The following CMTM4 variants were observed in gnomAD, a reference collection of about 807,000 sequenced individuals.
CMTM4 encodes CKLF-like MARVEL transmembrane domain-containing protein 4.
In CMTM4, 8 loss-of-function variants were observed where a neutral mutation model predicts 19.0. The ratio of observed to expected loss-of-function variants is 0.42; its 90% CI spans 0.25 to 0.76. The LOEUF is 0.76. CMTM4 is among the 30% of genes least tolerant of loss of function. The pLI is 0.27. For synonymous variants in CMTM4, 106 were observed against 121.1 expected (o/e 0.88, Z 0.82); for missense variants, 228 against 290.2 (o/e 0.79, Z 1.56).
rs200104728 is a variant in CMTM4 at position 66,617,249 on chromosome 16, A to G, written c.*4809T>C. 3 of 1,605,414 alleles carry G rather than the reference A, an allele frequency of 1.9e-6. No homozygotes were observed. The highest frequency in any genetic ancestry group is 3.4e-5 in the Admixed American group (2 of 59,070). ...AACTTACCCTATGAAATAGATACAC[A>G]GTTCAAGGACCCATCATCTGAACTT... is the stretch of plus-strand genomic sequence containing the variant. On this transcript the variant is annotated 3_prime_UTR_variant, in exon 4 of 4. Coordinates refer to ENST00000394106, the MANE Select transcript of CMTM4 (RefSeq NM_181521.3).
intron 1 of CMTM4, among the ~76,000 whole-genome samples, chr16:66,683,155 ATATACG>A (rs1250353978): frequency 2.4e-5 from 3 of 124,460 alleles, no homozygotes; most frequent in African/African-American, 6.0e-5. Flanking sequence ...ATGTATATAT[ATATACG>A]TATATATATA....
chr16:66,669,331 AG>A (rs1168821786), intron 1 of CMTM4, among the ~76,000 whole-genome samples: 1 of 152,202 alleles, frequency 6.6e-6, no homozygotes, highest in Non-Finnish European at 1.5e-5. Flanking sequence ...CTACAAAGAA[AG>A]GGAACGAGGA....
chr16:66,637,256 A>G (rs1156775163), intron 1 of CMTM4, among the ~76,000 whole-genome samples: 1 of 152,186 alleles, frequency 6.6e-6, no homozygotes, highest in East Asian at 1.9e-4. Context: ...AATAGAATAA[A>G]TTTCTAGGCT....
Position 66,620,446 on chromosome 16 carries a change from T to C in CMTM4, c.*1612A>G, listed in dbSNP as rs370410173. The stretch of plus-strand genomic sequence containing the variant: ...ACTCAGATCGTACTGAAGGTGTTGG[T>C]GCAGGAAGCTAACCCCAACTCCGAC... On this transcript the variant is annotated 3_prime_UTR_variant, in exon 4 of 4. Transcript: ENST00000394106. 1.5e-5 allele frequency: 15 copies of C among 985,342 alleles called. No individual in the cohort carries two copies. In the African/African-American group the frequency reaches 2.6e-4, roughly 17 times the overall value. 61.0% of individuals were successfully genotyped at this position (985,342 alleles called of 1,614,324 possible). A position where few individuals can be genotyped will look rare whatever the true frequency, so the allele number is the denominator to read the frequency against.
intron 1 of CMTM4, among the ~76,000 whole-genome samples, chr16:66,664,233 C>CAA (rs748462311): frequency 2.6e-4 from 17 of 64,878 alleles, no homozygotes; most frequent in Admixed American, 3.4e-4. Flanking sequence ...GACTCCGTCT[C>CAA]AAAAAAAAAA....
chr16:66,682,312 T>C (rs1444785010), intron 1 of CMTM4, among the ~76,000 whole-genome samples: 2 of 152,096 alleles, frequency 1.3e-5, no homozygotes, highest in South Asian at 2.1e-4. Flanking sequence ...GGCCTGAAAA[T>C]GGGTGAAAGA....
chr16:66,666,207 C>T (rs1253322580), intron 1 of CMTM4, among the ~76,000 whole-genome samples: 1 of 152,188 alleles, frequency 6.6e-6, no homozygotes, highest in Non-Finnish European at 1.5e-5. Flanking sequence ...AATCCCAGCA[C>T]TTTGGGAGGC....
At chr16:66,613,198 C>A, downstream of CMTM4, 1 of 695,474 alleles carries the variant, frequency 1.4e-6, no homozygotes, top group Non-Finnish European at 2.6e-6. Context: ...TTGACCTTTG[C>A]CTTGTCGCCC....
intron 1 of CMTM4, among the ~76,000 whole-genome samples, chr16:66,680,767 C>G (rs2016898155): frequency 7.7e-6 from 1 of 130,530 alleles, no homozygotes; most frequent in Non-Finnish European, 1.6e-5. Flanking sequence ...GAGCAAGACT[C>G]CGTCTCAAAA....
chr16:66,652,054 G>A (rs2016320510), intron 1 of CMTM4, among the ~76,000 whole-genome samples: 1 of 151,578 alleles, frequency 6.6e-6, no homozygotes, highest in Non-Finnish European at 1.5e-5. Flanking sequence ...GGCAGAGATG[G>A]CCCTCAGGAG....
intron 1 of CMTM4, among the ~76,000 whole-genome samples, chr16:66,687,789 G>A (rs1250539564): frequency 7.4e-5 from 11 of 148,832 alleles, no homozygotes; most frequent in Non-Finnish European, 8.9e-5. Flanking sequence ...CTGGGTTCAC[G>A]CTATTCTCCT....
chr16:66,666,593 A>G (rs1182242456), intron 1 of CMTM4, among the ~76,000 whole-genome samples: 3 of 152,390 alleles, frequency 2.0e-5, no homozygotes, highest in African/African-American at 7.2e-5. Context: ...AAACTGCCCA[A>G]TAAAAATTAC....
intron 1 of CMTM4, among the ~76,000 whole-genome samples, chr16:66,680,570 C>A (rs650349): frequency 6.6e-6 from 1 of 151,462 alleles, no homozygotes; most frequent in Non-Finnish European, 1.5e-5. Context: ...GTCAGGAGAT[C>A]GAGACCATCA....
chr16:66,672,180 G>A (rs1452002067), intron 1 of CMTM4, among the ~76,000 whole-genome samples: 1 of 151,982 alleles, frequency 6.6e-6, no homozygotes, highest in Non-Finnish European at 1.5e-5. Flanking sequence ...GGGAGGCCGA[G>A]GCAGGTGGAT....
intron 1 of CMTM4, among the ~76,000 whole-genome samples, chr16:66,679,342 TG>T (rs1945072087): frequency 6.6e-6 from 1 of 152,144 alleles, no homozygotes. Context: ...TTACTGGTTC[TG>T]ATTTTAGCAA....
intron 1 of CMTM4, among the ~76,000 whole-genome samples, chr16:66,637,846 A>G (rs2016026205): frequency 6.6e-6 from 1 of 152,218 alleles, no homozygotes; most frequent in African/African-American, 2.4e-5. Context: ...AAGGAAGCAG[A>G]GGCAGGCAGC....
At position 66,696,425 on chromosome 16, in the gene CMTM4, A is replaced by C. The variant is rs2017237912; in HGVS notation, c.101T>G (p.Val34Gly). 1.4e-6 allele frequency: 2 copies of C among 1,397,508 alleles called. No individual in the cohort carries two copies. The highest frequency in any genetic ancestry group is 1.5e-5 in the South Asian group (1 of 68,664). 86.6% of individuals were successfully genotyped at this position (1,397,508 alleles called of 1,614,324 possible). A position where few individuals can be genotyped will look rare whatever the true frequency, so the allele number is the denominator to read the frequency against. ...SSPYQPTTEP[V>G]SQRRGLAGLR... ...GCCGGCCAGCCCGCGGCGCTGGCTC[A>C]CCGGCTCGGTGGTGGGCTGGTACGG... Residue 34 changes from valine (V) to glycine (G), a missense_variant, in exon 1 of 4, where the codon GTG becomes GGG. This residue lies in a region of CMTM4 where 200 missense variants were observed against 226.6 expected (regional missense o/e 0.88). Transcript: ENST00000394106. The surrounding 1 kb of genome is among the most constrained non-coding windows in gnomAD (Gnocchi z 4.3).
intron 1 of CMTM4, among the ~76,000 whole-genome samples, chr16:66,647,151 T>C (rs866238799): frequency 1.5e-5 from 2 of 136,558 alleles, no homozygotes; most frequent in South Asian, 2.3e-4. Context: ...CCGCCTCTAC[T>C]AAAAAAAAAA....
chr16:66,696,435 TG>T lies in CMTM4; in HGVS notation c.90del (p.Thr31ProfsTer4). The stretch of plus-strand genomic sequence containing the variant: ...CCGCGGCGCTGGCTCACCGGCTCGG[TG>T]GTGGGCTGGTACGGGCTGCTGGCGC... ...ISGASSPYQP[T>X]TEPVSQRRGL... is the part of the protein sequence containing the mutation. On this transcript the variant is annotated frameshift_variant, in exon 1 of 4. Transcript: ENST00000394106. LOFTEE classifies it high-confidence loss of function. The surrounding 1 kb of genome is among the most constrained non-coding windows in gnomAD (Gnocchi z 4.3). 1 of 1,379,372 alleles carries T rather than the reference TG, an allele frequency of 7.2e-7. No homozygotes were observed. The highest frequency in any genetic ancestry group is 9.4e-7 in the Non-Finnish European group (1 of 1,067,072). The allele number at this position is 1,379,372 out of a possible 1,614,324, so 85.4% of individuals were successfully genotyped here.
Sources: allele counts gnomAD v4.1 joint callset (sites outside exome capture counted in the v4.1 genomes callset), GRCh38; gene constraint gnomAD v4.1.1; regional missense constraint gnomAD v4.1.1; non-coding constraint Gnocchi (gnomAD v3.1); transcripts MANE v1.5; gene names NCBI Gene and HGNC (gene_info 2026-07-23, HGNC 2026-07-21).